The following PTGFR variants were observed in gnomAD, a reference collection of about 807,000 sequenced individuals.
PTGFR encodes the protein prostaglandin F2-alpha receptor.
PTGFR carries 15 observed loss-of-function variants against 26.2 expected under a neutral mutation model. The observed-to-expected ratio is 0.57, with a 90% CI of 0.38 to 0.88. PTGFR has a LOEUF of 0.88. PTGFR is among the 40% of genes least tolerant of loss of function. The probability of loss-of-function intolerance (pLI) is 0.00; values close to 1 mark genes in which losing one functional copy is unlikely to be tolerated. For missense variants in PTGFR, 369 were observed against 427.2 expected, an observed-to-expected ratio of 0.86 and a Z score of 1.20; for synonymous variants, 165 against 151.1, an observed-to-expected ratio of 1.09 and a Z score of -0.68.
intron 2 of PTGFR, among the ~76,000 whole-genome samples, chr1:78,503,757 T>C (rs1649763638): frequency 6.6e-6 from 1 of 152,178 alleles, no homozygotes. Context: ...TTGGAGCAGG[T>C]CAGGGAGGTA....
intron 2 of PTGFR, among the ~76,000 whole-genome samples, chr1:78,514,043 A>AC: frequency 6.6e-6 from 1 of 152,258 alleles, no homozygotes; most frequent in South Asian, 2.1e-4. Flanking sequence ...CAGGGGTGGA[A>AC]CCCCCACAGA....
intron 2 of PTGFR, among the ~76,000 whole-genome samples, chr1:78,502,287 T>G (rs1649727618): frequency 6.6e-6 from 1 of 152,162 alleles, no homozygotes; most frequent in Admixed American, 6.5e-5. Context: ...GCAAAAGATG[T>G]AAGTTATTAG....
chr1:78,522,891 A>G (rs1437851665), intron 2 of PTGFR, among the ~76,000 whole-genome samples: 1 of 152,134 alleles, frequency 6.6e-6, no homozygotes, highest in African/African-American at 2.4e-5. Flanking sequence ...AAATGGGAAT[A>G]TTAGTGGTAC....
chr1:78,491,008 C>G lies in PTGFR; in HGVS notation c.-301C>G, dbSNP rs1394681325. ...CCCCATCCCTCCCAGGCTGCCAGCG[C>G]AGCTAGGTGCAGAGGGATCCCAGGA... On this transcript the variant is annotated 5_prime_UTR_variant, in exon 1 of 3. Transcript: ENST00000370757. 1.3e-5 allele frequency: 2 copies of G among 152,374 alleles called. No homozygotes were observed. The highest frequency in any genetic ancestry group is 2.9e-5 in the Non-Finnish European group (2 of 68,154). 9.4% of individuals were successfully genotyped at this position (152,374 alleles called of 1,614,324 possible).
In PTGFR at chr1:78,538,891, A is replaced by C. The variant is rs1027408855; in HGVS notation, c.*2204A>C. 4 of 152,222 alleles carry C rather than the reference A, an allele frequency of 2.6e-5. No individual in the cohort carries two copies. The East Asian group carries it at 7.7e-4, about 29-fold the overall frequency. The allele number at this position is 152,222 out of a possible 1,614,324, so 9.4% of individuals were successfully genotyped here. On this transcript the variant is annotated 3_prime_UTR_variant, in exon 3 of 3. Transcript: ENST00000370757. ...ACTGAATTTCCTTTTGAACTGGGTA[A>C]GGCATTATCCAAGCAACTTCACATA...
At chr1:78,519,740 A>G (rs1397053871) in intron 2 of PTGFR, among the ~76,000 whole-genome samples, 1 of 152,062 alleles carries the variant, frequency 6.6e-6, no homozygotes, top group African/African-American at 2.4e-5. Flanking sequence ...TTGCTAAGAA[A>G]CTTCATTTAT....
intron 2 of PTGFR, among the ~76,000 whole-genome samples, chr1:78,504,385 G>A (rs1477438126): frequency 6.6e-6 from 1 of 151,772 alleles, no homozygotes; most frequent in African/African-American, 2.4e-5. Context: ...ACAGTTGTTG[G>A]GCATTATCCC....
At chr1:78,518,377 TTTTA>T (rs1161320848) in intron 2 of PTGFR, among the ~76,000 whole-genome samples, 1 of 152,086 alleles carries the variant, frequency 6.6e-6, no homozygotes, top group Non-Finnish European at 1.5e-5. Context: ...TTTATTACTC[TTTTA>T]TTATTTCTTT....
chr1:78,518,192 G>C (rs1362949070), intron 2 of PTGFR, among the ~76,000 whole-genome samples: 3 of 152,038 alleles, frequency 2.0e-5, no homozygotes, highest in African/African-American at 7.2e-5. Context: ...ATTATGTTTT[G>C]TGGGAAAATT....
intron 2 of PTGFR, among the ~76,000 whole-genome samples, chr1:78,509,466 T>C (rs1403477047): frequency 6.6e-6 from 1 of 152,242 alleles, no homozygotes; most frequent in African/African-American, 2.4e-5. Context: ...TAAAGAACTG[T>C]ATGAGTGCTG....
At chr1:78,536,203 G>A (rs1446451461) in intron 2 of PTGFR, among the ~76,000 whole-genome samples, 20 of 151,972 alleles carry the variant, frequency 1.3e-4, no homozygotes, top group Admixed American at 1.3e-3. Context: ...CATTTTTGTA[G>A]GTCTAATGTC....
chr1:78,524,280 C>T (rs1238775178), intron 2 of PTGFR, among the ~76,000 whole-genome samples: 1 of 151,988 alleles, frequency 6.6e-6, no homozygotes, highest in Non-Finnish European at 1.5e-5. Flanking sequence ...CTTCATAATG[C>T]ACTGGAGCAA....
At chr1:78,536,315 AAATG>A in intron 2 of PTGFR, 87 bp from the exon 3 acceptor site, 1 of 1,280,588 alleles carries the variant, frequency 7.8e-7, no homozygotes, top group South Asian at 1.5e-5. Context: ...GTGGAAAGTG[AAATG>A]AATGTCATCT....
intron 2 of PTGFR, among the ~76,000 whole-genome samples, chr1:78,510,651 C>T (rs1649944282): frequency 6.6e-6 from 1 of 152,126 alleles, no homozygotes; most frequent in South Asian, 2.1e-4. Context: ...ATCCCTGGCC[C>T]CCCCAAATCT....
intron 2 of PTGFR, among the ~76,000 whole-genome samples, chr1:78,530,648 A>G (rs1207921770): frequency 1.3e-5 from 2 of 152,184 alleles, no homozygotes; most frequent in Admixed American, 6.5e-5. Flanking sequence ...TAGAGATAAT[A>G]CTGCTTCTCT....
intron 2 of PTGFR, among the ~76,000 whole-genome samples, chr1:78,525,991 A>G (rs940233400): frequency 1.3e-5 from 2 of 152,106 alleles, no homozygotes; most frequent in African/African-American, 4.8e-5. Context: ...ATATTCTTAT[A>G]TTACTAATTC....
intron 1 of PTGFR, among the ~76,000 whole-genome samples, chr1:78,491,610 C>A (rs1470359107): frequency 1.3e-5 from 2 of 152,232 alleles, no homozygotes; most frequent in Non-Finnish European, 2.9e-5. Flanking sequence ...TGAGCAATTG[C>A]AGAAAGTTTC....
intron 2 of PTGFR, among the ~76,000 whole-genome samples, chr1:78,515,072 T>C (rs1331781287): frequency 6.6e-6 from 1 of 152,078 alleles, no homozygotes; most frequent in Non-Finnish European, 1.5e-5. Flanking sequence ...AGTGTAAAAA[T>C]GGACTAACAC....
chr1:78,529,236 G>A (rs560979747), intron 2 of PTGFR, among the ~76,000 whole-genome samples: 4 of 152,254 alleles, frequency 2.6e-5, no homozygotes, highest in African/African-American at 4.8e-5. Context: ...TTAAAACGAC[G>A]TTGCCAGTGG....
Sources: gnomAD v4.1 joint callset for allele counts (sites outside exome capture counted in the v4.1 genomes callset) on GRCh38, gnomAD v4.1.1 for gene constraint, MANE v1.5 for transcripts, NCBI Gene and HGNC (gene_info 2026-07-23, HGNC 2026-07-21) for gene names.